ADGRL1: variants seen among roughly 807,000 people sequenced by gnomAD.
ADGRL1 encodes the protein adhesion G protein-coupled receptor L1.
ADGRL1 carries 31 observed loss-of-function variants against 148.9 expected under a neutral mutation model. The observed-to-expected ratio is 0.21, with a 90% CI of 0.16 to 0.28. The LOEUF (loss-of-function observed/expected upper bound fraction) is 0.28. Among genes scored for constraint, ADGRL1 ranks in the 10% least tolerant of loss-of-function variants. ADGRL1 has a pLI of 1.00. For missense variants in ADGRL1, 1,521 were observed against 2,058.8 expected, an observed-to-expected ratio of 0.74 and a Z score of 5.05; for synonymous variants, 937 against 900.3, an observed-to-expected ratio of 1.04 and a Z score of -0.73.
At chr19:14,185,298 CTT>C (rs1971513631) in intron 1 of ADGRL1, among the ~76,000 whole-genome samples, 1 of 151,786 alleles carries the variant, frequency 6.6e-6, no homozygotes, top group Non-Finnish European at 1.5e-5. Context: ...CTCTCTCTCT[CTT>C]TCTTTTTTTA....
chr19:14,193,236 G>A (rs1056027459), intron 1 of ADGRL1, among the ~76,000 whole-genome samples: 3 of 148,786 alleles, frequency 2.0e-5, no homozygotes, highest in Non-Finnish European at 4.4e-5. Context: ...CCTCTGGAGG[G>A]GGAGGATTGA....
At chr19:14,151,983 C>T (rs1038978676) in intron 22 of ADGRL1, 150 bp downstream of exon 22, 33 of 755,698 alleles carry the variant, frequency 4.4e-5, no homozygotes, top group East Asian at 1.6e-4. Flanking sequence ...ATCCTCCATT[C>T]GGCTGCCAGA....
rs1253232340 is a variant in ADGRL1, at chr19:14,157,882, G to A, written c.2535C>T (p.Ile845=). Residue 845 remains isoleucine, a splice_region_variant and synonymous_variant, in exon 13 of 23, where the codon ATC becomes ATT. Coordinates refer to ENST00000361434, the MANE Select transcript of ADGRL1 (RefSeq NM_014921.5). The surrounding 1 kb of genome is among the most constrained non-coding windows in gnomAD (Gnocchi z 7.5). ...AGGAGCAGAGCACCAGCCAGCTTAC[G>A]ATCTCACGGTGAGCCATGAGCACAG... ...NFAVLMAHRE[I]YQGRINELLL... The A allele has an allele frequency of 5.0e-6, 8 of 1,613,758 alleles. No individual in the cohort carries two copies. Among genetic ancestry groups the A allele is most frequent in the South Asian group, 4.4e-5 (4 of 91,050 alleles).
chr19:14,170,615 A>G (rs1970385840), intron 4 of ADGRL1, 67 bp downstream of exon 4: 1 of 940,302 alleles, frequency 1.1e-6, no homozygotes, highest in Non-Finnish European at 1.7e-6. Context: ...TGATGGGTCA[A>G]GGTGTCTCCT....
chr19:14,197,404 C>T (rs998168805), intron 1 of ADGRL1, among the ~76,000 whole-genome samples: 3 of 152,082 alleles, frequency 2.0e-5, no homozygotes, highest in African/African-American at 7.2e-5. Flanking sequence ...TCTGCCACCC[C>T]GTCCCATCCA....
intron 2 of ADGRL1, 135 bp downstream of exon 2, chr19:14,183,398 C>T (rs1971356063): frequency 5.0e-6 from 4 of 795,466 alleles, no homozygotes; most frequent in Non-Finnish European, 8.0e-6. Context: ...CACTGGCCTG[C>T]TCCAGCTGAG....
chr19:14,168,735 T>C (rs1455418026), intron 4 of ADGRL1: 1 of 152,168 alleles, frequency 6.6e-6, no homozygotes. Flanking sequence ...TCGGGAGAAG[T>C]TGGGTCATTA....
chr19:14,159,342 C>T lies in ADGRL1; in HGVS notation c.2023+59G>A. 1 of 1,574,386 alleles carries T rather than the reference C, an allele frequency of 6.4e-7. No individual in the cohort carries two copies. Among genetic ancestry groups the T allele is most frequent in the Non-Finnish European group, 8.6e-7 (1 of 1,156,478 alleles). ...GATAGCCCCCCTGTGGCCTCCAGGC[C>T]AGAACCCCGTGGTTTAAGGTTCGTA... On this transcript the variant is annotated intron_variant, in intron 10 of 22. Transcript: ENST00000361434. This position sits in a 1 kb window ranked among gnomAD's most constrained non-coding sequence, Gnocchi z 6.0.
At chr19:14,179,683 A>G (rs1051679421) in intron 2 of ADGRL1, among the ~76,000 whole-genome samples, 1 of 151,510 alleles carries the variant, frequency 6.6e-6, no homozygotes, top group Admixed American at 6.6e-5. Context: ...GAGGTGGGCG[A>G]ATCACCTGAG....
chr19:14,161,762 CTA>C lies in ADGRL1; in HGVS notation c.1196-138_1196-137del, dbSNP rs538830272. 87 of 580,638 alleles carry C rather than the reference CTA, an allele frequency of 1.5e-4. No homozygotes were observed. The South Asian group carries it at 3.2e-3, about 22-fold the overall frequency. 36.0% of individuals were successfully genotyped at this position (580,638 alleles called of 1,614,324 possible). A position where few individuals can be genotyped will look rare whatever the true frequency, so the allele number is the denominator to read the frequency against. ...AAACACGTGCCGGGCCCCACTGGGT[CTA>C]TGAGTTGATCTCCCCTGGCCGCTCT... is the stretch of plus-strand genomic sequence containing the variant. On this transcript the variant is annotated intron_variant, in intron 5 of 22. Coordinates refer to ENST00000361434, the MANE Select transcript of ADGRL1 (RefSeq NM_014921.5). This position sits in a 1 kb window ranked among gnomAD's most constrained non-coding sequence, Gnocchi z 4.4.
At chr19:14,156,593 GCTGGGGTCAAGGCCAGC>G in intron 16 of ADGRL1, 48 bp downstream of exon 16, 8 of 1,049,524 alleles carry the variant, frequency 7.6e-6, no homozygotes, top group Non-Finnish European at 1.0e-5. Context: ...GGGGGCAGGG[GCTGGGGTCAAGGCCAGC>G]CTGGATGAAG....
chr19:14,196,595 G>A (rs1972279940), intron 1 of ADGRL1, among the ~76,000 whole-genome samples: 1 of 152,150 alleles, frequency 6.6e-6, no homozygotes, highest in African/African-American at 2.4e-5. Flanking sequence ...ACTCTAGCTT[G>A]GGCAACAGAG....
At chr19:14,178,052 T>C (rs1027865244) in intron 2 of ADGRL1, among the ~76,000 whole-genome samples, 1 of 152,198 alleles carries the variant, frequency 6.6e-6, no homozygotes, top group South Asian at 2.1e-4. Context: ...TATGCTGTTA[T>C]GGATTGAACT....
In ADGRL1 at chr19:14,149,810, C is replaced by T. The variant is rs984425697; in HGVS notation, c.*1063G>A. 1.3e-5 allele frequency: 2 copies of T among 152,172 alleles called. No homozygotes were observed. Among genetic ancestry groups the T allele is most frequent in the Non-Finnish European group, 2.9e-5 (2 of 67,916 alleles). 9.4% of individuals were successfully genotyped at this position (152,172 alleles called of 1,614,324 possible). A position where few individuals can be genotyped will look rare whatever the true frequency, so the allele number is the denominator to read the frequency against. ...GGCGGGGACTGGGGATGCACGTACA[C>T]GGAGAAGTCCTGGCTGCCAGGCCAG... is the stretch of plus-strand genomic sequence containing the variant. On this transcript the variant is annotated 3_prime_UTR_variant, in exon 23 of 23. Transcript: ENST00000361434.
chr19:14,187,822 G>C (rs1352599721), intron 1 of ADGRL1, among the ~76,000 whole-genome samples: 3 of 152,084 alleles, frequency 2.0e-5, no homozygotes, highest in Non-Finnish European at 4.4e-5. Context: ...CCCAGCCACA[G>C]AAAGGTTCAG....
intron 2 of ADGRL1, among the ~76,000 whole-genome samples, chr19:14,178,880 A>G (rs1050646391): frequency 5.9e-5 from 9 of 152,122 alleles, no homozygotes; most frequent in African/African-American, 2.2e-4. Flanking sequence ...GCAGGCGGCC[A>G]TCTATCTATA....
chr19:14,166,101 C>T (rs1158448826), intron 4 of ADGRL1, among the ~76,000 whole-genome samples: 1 of 152,068 alleles, frequency 6.6e-6, no homozygotes, highest in African/African-American at 2.4e-5. Flanking sequence ...TGTGCCCCCG[C>T]CGCCCGCCGC....
At chr19:14,205,728 C>CTG (rs1972958267) in intron 1 of ADGRL1, among the ~76,000 whole-genome samples, 2 of 151,336 alleles carry the variant, frequency 1.3e-5, no homozygotes, top group African/African-American at 4.8e-5. Context: ...TGCGGTAGCC[C>CTG]GTCCGCACCC....
At chr19:14,191,286 T>G (rs1372882046) in intron 1 of ADGRL1, 1 of 456,556 alleles carries the variant, frequency 2.2e-6, no homozygotes. Context: ...CACCCTGTAT[T>G]ACAGTGCCCT....
Sources: gnomAD v4.1 joint callset for allele counts (sites outside exome capture counted in the v4.1 genomes callset) on GRCh38, gnomAD v4.1.1 for gene constraint, Gnocchi (gnomAD v3.1) non-coding constraint, MANE v1.5 for transcripts, NCBI Gene and HGNC (gene_info 2026-07-23, HGNC 2026-07-21) for gene names.